Variants in ZNF479 observed in about 807,000 individuals in gnomAD.
ZNF479 encodes the protein KRAB zinc finger protein KR19.
A neutral mutation model predicts 14.7 loss-of-function variants in ZNF479; 15 were observed. That is an observed-to-expected ratio of 1.02 (90% CI 0.68 to 1.57). ZNF479 has a LOEUF of 1.57. ZNF479 is among the 40% of genes most tolerant of loss of function. ZNF479 has a pLI of 0.00. For missense variants in ZNF479, 506 were observed against 615.1 expected (o/e 0.82, Z 1.88); for synonymous variants, 145 against 211.5 (o/e 0.69, Z 2.73).
At chr7:57,124,117 A>G (rs985804017) in intron 3 of ZNF479, among the ~76,000 whole-genome samples, 17 of 152,158 alleles carry the variant, frequency 1.1e-4, no homozygotes, top group African/African-American at 3.4e-4. Context: ...AAGTATATTT[A>G]TTCCTGAAAT....
upstream of ZNF479, among the ~76,000 whole-genome samples, chr7:57,136,570 T>C (rs1182193632): frequency 6.6e-6 from 1 of 152,242 alleles, no homozygotes; most frequent in Admixed American, 6.5e-5. Flanking sequence ...ATTTATGTTA[T>C]ACTTAACTCT....
chr7:57,134,870 T>C (rs1431978651), upstream of ZNF479, among the ~76,000 whole-genome samples: 1 of 152,064 alleles, frequency 6.6e-6, no homozygotes, highest in East Asian at 1.9e-4. Context: ...AGATGGGGTT[T>C]CACCATGTTG....
chr7:57,120,453 C>A lies in ZNF479; in HGVS notation c.962G>T (p.Gly321Val). 6.2e-7 allele frequency: 1 copy of A among 1,612,114 alleles called. No homozygotes were observed. Among genetic ancestry groups the A allele is most frequent in the Non-Finnish European group, 8.5e-7 (1 of 1,179,390 alleles). Residue 321 changes from glycine to valine, a missense_variant, in exon 4 of 4, where the codon GGA becomes GTA. Transcript: ENST00000319636. ...TTCCTCACACCTGCAGGGTTTCTCT[C>A]CAGTATGAATTCTCTTGTGGTCAGT... is the stretch of plus-strand genomic sequence containing the variant. Reference protein sequence around the residue: ...TLTDHKRIHTGEKPCRCEECG... With the variant: ...TLTDHKRIHTVEKPCRCEECG...
chr7:57,139,221 TACA>T (rs1786776028), intron 1 of ZNF479, among the ~76,000 whole-genome samples: 1 of 152,156 alleles, frequency 6.6e-6, no homozygotes, highest in South Asian at 2.1e-4. Flanking sequence ...ACAGCCTCCT[TACA>T]ACGTCCTCAA....
upstream of ZNF479, among the ~76,000 whole-genome samples, chr7:57,136,192 C>T (rs1022391094): frequency 9.9e-5 from 15 of 151,852 alleles, no homozygotes; most frequent in East Asian, 3.9e-4. Context: ...AAGACCAGCC[C>T]GGCCAACATG....
intron 1 of ZNF479, among the ~76,000 whole-genome samples, chr7:57,128,561 A>G (rs1401927818): frequency 6.6e-6 from 1 of 152,204 alleles, no homozygotes; most frequent in Non-Finnish European, 1.5e-5. Flanking sequence ...TCTAATGTTC[A>G]ACAGCTACAA....
chr7:57,125,999 T>C lies in ZNF479; in HGVS notation c.262+19A>G, dbSNP rs1235766956. ...TGTACCTCTCATCTGTCTCATCTGC[T>C]TCATTCGCTCTCACCTACCTGGGTG... On this transcript the variant is annotated intron_variant, in intron 3 of 3. Transcript: ENST00000319636. The C allele has an allele frequency of 1.2e-6, 2 of 1,600,560 alleles. No homozygotes were observed. Among genetic ancestry groups the C allele is most frequent in the Admixed American group, 1.7e-5 (1 of 59,558 alleles).
Position 57,132,321 on chromosome 7 carries a change from C to G in ZNF479, c.4G>C (p.Ala2Pro), listed in dbSNP as rs746020741. The change falls in exon 1 of 4, where the codon GCT becomes CCT. Residue 2 changes from alanine (A) to proline (P), a missense_variant. By Grantham distance (27) the Ala-to-Pro change is conservative (BLOSUM62 -1). This residue lies in a region of ZNF479 where 420 missense variants were observed against 474.2 expected (regional missense o/e 0.89). Coordinates refer to ENST00000319636, the MANE Select transcript of ZNF479 (RefSeq NM_001370129.2). Reference protein sequence around the residue: MAKRPGPPGSRE... With the variant: MPKRPGPPGSRE... ...CTTCCAGGGGGTCCTGGTCTTTTAG[C>G]CATAAATCTGCAGATACCTGCAGGA... 10 of 1,614,066 alleles carry G rather than the reference C, an allele frequency of 6.2e-6. No homozygotes were observed. The highest frequency in any genetic ancestry group is 8.5e-6 in the Non-Finnish European group (10 of 1,180,004).
chr7:57,133,527 C>T (rs1225940171), upstream of ZNF479, among the ~76,000 whole-genome samples: 1 of 152,094 alleles, frequency 6.6e-6, no homozygotes, highest in Admixed American at 6.6e-5. Context: ...ATATAAGCCA[C>T]ATGTAAATTT....
At chr7:57,139,137 AG>A (rs1786770058) in intron 1 of ZNF479, among the ~76,000 whole-genome samples, 1 of 152,240 alleles carries the variant, frequency 6.6e-6, no homozygotes, top group African/African-American at 2.4e-5. Context: ...AACAGGGAGC[AG>A]CAAACAGGTG....
intron 3 of ZNF479, among the ~76,000 whole-genome samples, chr7:57,122,791 T>C (rs1396029838): frequency 6.6e-6 from 1 of 152,090 alleles, no homozygotes; most frequent in Non-Finnish European, 1.5e-5. Context: ...AGATTGATAT[T>C]ATATAATGGT....
chr7:57,124,656 C>A (rs866942910), intron 3 of ZNF479, among the ~76,000 whole-genome samples: 4 of 151,924 alleles, frequency 2.6e-5, no homozygotes, highest in Non-Finnish European at 4.4e-5. Context: ...ACATTTAATA[C>A]AGTGACAGTG....
chr7:57,134,318 C>T (rs1346192916), upstream of ZNF479, among the ~76,000 whole-genome samples: 2 of 152,136 alleles, frequency 1.3e-5, no homozygotes, highest in Non-Finnish European at 2.9e-5. Flanking sequence ...TCTGATTGTC[C>T]TCAGGAATCA....
intron 3 of ZNF479, among the ~76,000 whole-genome samples, chr7:57,123,904 GA>G (rs1480340072): frequency 2.1e-4 from 31 of 150,786 alleles, no homozygotes; most frequent in African/African-American, 4.6e-4. Flanking sequence ...AAACTAAAAA[GA>G]AAAAAAGTAA....
chr7:57,125,708 TATTA>T (rs1482498607), intron 3 of ZNF479, among the ~76,000 whole-genome samples: 5 of 152,054 alleles, frequency 3.3e-5, no homozygotes, highest in Non-Finnish European at 2.9e-5. Context: ...AATATGCAGA[TATTA>T]GTGTGTCCCC....
intron 1 of ZNF479, among the ~76,000 whole-genome samples, chr7:57,127,319 G>A (rs1188675199): frequency 6.6e-6 from 1 of 152,060 alleles, no homozygotes; most frequent in Non-Finnish European, 1.5e-5. Flanking sequence ...CACTGCGCCT[G>A]GCCGGACATG....
At chr7:57,137,705 G>A (rs1016054308) in intron 1 of ZNF479, among the ~76,000 whole-genome samples, 5 of 152,072 alleles carry the variant, frequency 3.3e-5, no homozygotes, top group Admixed American at 1.3e-4. Flanking sequence ...GCCTGGGCCC[G>A]GCCTGCAGTT....
chr7:57,136,890 T>G (rs1380280034), upstream of ZNF479, among the ~76,000 whole-genome samples: 1 of 152,206 alleles, frequency 6.6e-6, no homozygotes, highest in Non-Finnish European at 1.5e-5. Flanking sequence ...GAAAATACCT[T>G]GTACACTTGT....
chr7:57,137,400 G>A (rs1420956086), upstream of ZNF479, among the ~76,000 whole-genome samples: 1 of 152,170 alleles, frequency 6.6e-6, no homozygotes, highest in Admixed American at 6.5e-5. Flanking sequence ...CCTGACCTCA[G>A]GTGATCCACC....
Sources: gnomAD v4.1 joint callset for allele counts (sites outside exome capture counted in the v4.1 genomes callset) on GRCh38, gnomAD v4.1.1 for gene constraint, gnomAD v4.1.1 regional missense constraint, MANE v1.5 for transcripts, NCBI Gene and HGNC (gene_info 2026-07-23, HGNC 2026-07-21) for gene names.